The following STEAP1B variants were observed in gnomAD, a reference collection of about 807,000 sequenced individuals.
STEAP1B encodes STEAP family protein MGC87042.
A neutral mutation model predicts 27.9 loss-of-function variants in STEAP1B; 13 were observed. The observed-to-expected ratio is 0.47, with a 90% confidence interval of 0.30 to 0.74. The LOEUF (loss-of-function observed/expected upper bound fraction) is 0.74, where lower values mean the gene tolerates loss of function less well. Ranked by LOEUF, STEAP1B falls within the 30% of genes least tolerant of loss-of-function variation. STEAP1B has a pLI of 0.06. For synonymous variants in STEAP1B, 86 were observed against 107.1 expected (o/e 0.80, Z 1.22); for missense variants, 250 against 298.7 (o/e 0.84, Z 1.20).
intron 4 of STEAP1B, among the ~76,000 whole-genome samples, chr7:22,443,820 C>T (rs868265740): frequency 1.2e-4 from 18 of 152,316 alleles, no homozygotes; most frequent in African/African-American, 4.1e-4. Context: ...CACTTCCACT[C>T]GGCTGGAGCC....
At chr7:22,444,926 G>A (rs1055436570) in intron 4 of STEAP1B, among the ~76,000 whole-genome samples, 4 of 152,192 alleles carry the variant, frequency 2.6e-5, no homozygotes, top group African/African-American at 4.8e-5. Flanking sequence ...CCCCCACAAG[G>A]TGTGCATTTG....
At chr7:22,466,894 A>T (rs1785793707) in intron 4 of STEAP1B, among the ~76,000 whole-genome samples, 1 of 152,208 alleles carries the variant, frequency 6.6e-6, no homozygotes, top group African/African-American at 2.4e-5. Flanking sequence ...TGACCAAGTT[A>T]CTTTGCCTCT....
At chr7:22,427,433 T>G (rs1785122925) in intron 4 of STEAP1B, among the ~76,000 whole-genome samples, 1 of 152,154 alleles carries the variant, frequency 6.6e-6, no homozygotes, top group South Asian at 2.1e-4. Context: ...TTCAGGATCA[T>G]GGCCTGGCTA....
chr7:22,456,972 A>AT (rs3064738), intron 4 of STEAP1B, among the ~76,000 whole-genome samples: 2,680 of 57,086 alleles, frequency 0.047, 417 homozygotes, highest in Non-Finnish European at 0.068. Flanking sequence ...ATATATATAT[A>AT]TTTTTTTTTT....
chr7:22,469,384 G>T (rs1344397141), intron 4 of STEAP1B, among the ~76,000 whole-genome samples: 3 of 152,136 alleles, frequency 2.0e-5, no homozygotes, highest in African/African-American at 7.2e-5. Flanking sequence ...AATTATTGAA[G>T]AATGTTTTTT....
At chr7:22,495,279 G>C (rs1260358115) in intron 1 of STEAP1B, 1 of 152,684 alleles carries the variant, frequency 6.5e-6, no homozygotes, top group Non-Finnish European at 1.5e-5. Flanking sequence ...CATCAATGGA[G>C]GCTGGAGGTA....
chr7:22,493,191 A>G, intron 3 of STEAP1B, 133 bp downstream of exon 3: 2 of 1,170,604 alleles, frequency 1.7e-6, no homozygotes, highest in Non-Finnish European at 1.2e-6. Flanking sequence ...TTATAAGAAA[A>G]ATTTTAAAAT....
chr7:22,460,185 G>A (rs1054100256), intron 4 of STEAP1B, among the ~76,000 whole-genome samples: 44 of 151,956 alleles, frequency 2.9e-4, no homozygotes, highest in Admixed American at 2.1e-3. Context: ...GCATGGTGGC[G>A]CGTGCCCATA....
intron 4 of STEAP1B, among the ~76,000 whole-genome samples, chr7:22,482,493 G>A (rs1452287583): frequency 6.6e-6 from 1 of 152,140 alleles, no homozygotes; most frequent in Admixed American, 6.5e-5. Flanking sequence ...AGGCAGAGAG[G>A]AGAGCTAAGG....
chr7:22,440,125 A>G (rs1178913081), intron 4 of STEAP1B, among the ~76,000 whole-genome samples: 1 of 152,194 alleles, frequency 6.6e-6, no homozygotes, highest in African/African-American at 2.4e-5. Context: ...GGAGCTTTTT[A>G]TGAATTACAA....
chr7:22,465,333 A>G (rs183414156), intron 4 of STEAP1B, among the ~76,000 whole-genome samples: 1 of 152,284 alleles, frequency 6.6e-6, no homozygotes, highest in East Asian at 1.9e-4. Flanking sequence ...AACCACAGAA[A>G]GCAAAACCTC....
chr7:22,484,472 G>C (rs969443995), intron 4 of STEAP1B, among the ~76,000 whole-genome samples: 1 of 152,174 alleles, frequency 6.6e-6, no homozygotes, highest in Admixed American at 6.5e-5. Flanking sequence ...GAGACCTACT[G>C]CTCATAATAA....
chr7:22,454,838 T>TAAAAATATAA (rs1554285533), intron 4 of STEAP1B, among the ~76,000 whole-genome samples: 1 of 115,770 alleles, frequency 8.6e-6, no homozygotes, highest in Non-Finnish European at 1.8e-5. Flanking sequence ...TATATATATA[T>TAAAAATATAA]ATATATATAT....
At chr7:22,449,928 G>T (rs562438956) in intron 4 of STEAP1B, among the ~76,000 whole-genome samples, 51 of 152,304 alleles carry the variant, frequency 3.3e-4, no homozygotes, top group African/African-American at 1.2e-3. Context: ...ATGCCTGTCT[G>T]CCATTTGTGC....
chr7:22,478,782 C>A (rs760746724), intron 4 of STEAP1B, among the ~76,000 whole-genome samples: 2 of 152,292 alleles, frequency 1.3e-5, no homozygotes, highest in Middle Eastern at 3.4e-3. Flanking sequence ...ACTTAAAATG[C>A]GACTACTTTG....
intron 4 of STEAP1B, among the ~76,000 whole-genome samples, chr7:22,454,374 G>A (rs1785537121): frequency 6.6e-6 from 1 of 152,236 alleles, no homozygotes; most frequent in African/African-American, 2.4e-5. Context: ...AGTCACTATA[G>A]TGCTGTACTG....
intron 4 of STEAP1B, among the ~76,000 whole-genome samples, chr7:22,435,135 A>G (rs770966589): frequency 2.2e-4 from 33 of 152,162 alleles, no homozygotes; most frequent in Admixed American, 8.5e-4. Flanking sequence ...TACCGAAACA[A>G]GTGAAGGTTA....
intron 4 of STEAP1B, among the ~76,000 whole-genome samples, chr7:22,425,597 T>G (rs1405738596): frequency 6.6e-6 from 1 of 152,242 alleles, no homozygotes; most frequent in Non-Finnish European, 1.5e-5. Context: ...GCAGCCATTT[T>G]GCTTAAAGTA....
intron 4 of STEAP1B, among the ~76,000 whole-genome samples, chr7:22,456,972 A>ATATATT: frequency 3.5e-5 from 2 of 57,046 alleles, no homozygotes; most frequent in African/African-American, 1.4e-4. Context: ...ATATATATAT[A>ATATATT]TTTTTTTTTT....
Sources: gnomAD v4.1 joint callset for allele counts (sites outside exome capture counted in the v4.1 genomes callset) on GRCh38, gnomAD v4.1.1 for gene constraint, MANE v1.5 for transcripts, NCBI Gene and HGNC (gene_info 2026-07-23, HGNC 2026-07-21) for gene names.